Variants in EEF2 observed in about 807,000 individuals in gnomAD.
EEF2 encodes the protein eukaryotic translation elongation factor 2, also known as elongation factor 2.
Under a neutral mutation model 85.3 loss-of-function variants are expected in EEF2, and 21 were observed. That is an observed-to-expected ratio of 0.25 (90% CI 0.17 to 0.35). EEF2 has a LOEUF of 0.35. Among genes scored for constraint, EEF2 ranks in the 10% least tolerant of loss-of-function variants. The pLI, the probability that EEF2 is intolerant of heterozygous loss-of-function variation, is 1.00. For synonymous variants in EEF2, 723 were observed against 508.8 expected (o/e 1.42, Z -5.67); for missense variants, 825 against 1,225.3 (o/e 0.67, Z 4.88).
chr19:3,978,621 C>A (rs1446387826), intron 11 of EEF2, among the ~76,000 whole-genome samples: 1 of 145,180 alleles, frequency 6.9e-6, no homozygotes, highest in African/African-American at 2.6e-5. Context: ...CTGGCTAACA[C>A]GGTGAAACCC....
At chr19:3,979,556 A>G (rs2039719721) in intron 10 of EEF2, 120 bp from the exon 11 acceptor site, 2 of 995,674 alleles carry the variant, frequency 2.0e-6, no homozygotes, top group Non-Finnish European at 3.0e-6. Context: ...AGGTGCTGGG[A>G]AACTGGGACC....
intron 2 of EEF2, chr19:3,983,767 G>A (rs2039785140): frequency 6.0e-6 from 2 of 333,460 alleles, no homozygotes; most frequent in Non-Finnish European, 5.7e-6. Context: ...GCCAGAAACT[G>A]ACATGGAATG....
chr19:3,977,165 C>G lies in EEF2; in HGVS notation c.2383+50G>C, dbSNP rs1339374394. 3.8e-6 allele frequency: 6 copies of G among 1,595,630 alleles called. No individual in the cohort carries two copies. The highest frequency in any genetic ancestry group is 1.3e-5 in the African/African-American group (1 of 74,600). Reference sequence around the variant, plus strand: ...TGCTAAGCTTAACTGGGCTTCTGTCCCCCAAACCAGCCTGCCAGGCTCTGC... The same window carrying G: ...TGCTAAGCTTAACTGGGCTTCTGTCGCCCAAACCAGCCTGCCAGGCTCTGC... On this transcript the variant is annotated intron_variant, in intron 14 of 14. Coordinates refer to ENST00000309311, the MANE Select transcript of EEF2 (RefSeq NM_001961.4). The surrounding 1 kb of genome is among the most constrained non-coding windows in gnomAD (Gnocchi z 5.4).
In EEF2 at chr19:3,980,902, C is replaced by G; in HGVS notation, c.1089G>C (p.Thr363=). 2 of 1,565,764 alleles carry G rather than the reference C, an allele frequency of 1.3e-6. No individual in the cohort carries two copies. The highest frequency in any genetic ancestry group is 2.3e-5 in the South Asian group (2 of 85,800). The part of the protein sequence containing the change: ...MITIHLPSPV[T]AQKYRCELLY... ...GGAGCTCGCAGCGGTACTTCTGGGCCGTCACAGGGGAGGGCAGGTGGATGG... is the reference window on the plus strand; with the variant it reads ...GGAGCTCGCAGCGGTACTTCTGGGCGGTCACAGGGGAGGGCAGGTGGATGG... Residue 363 remains threonine (T), a synonymous_variant, in exon 8 of 15, where the codon ACG becomes ACC. Transcript: ENST00000309311.
At chr19:3,985,176 CCTCGGAAACGGAGAAAGGG>C in intron 1 of EEF2, 183 bp downstream of exon 1, 1 of 511,996 alleles carries the variant, frequency 2.0e-6, no homozygotes, top group Non-Finnish European at 3.2e-6. Context: ...GTTATGGCGC[CCTCGGAAACGGAGAAAGGG>C]CTCGGTGAAC....
At chr19:3,982,584 C>CCCCTCCA (rs746571336) in intron 4 of EEF2, 160 bp from the exon 5 acceptor site, 1 of 1,106,284 alleles carries the variant, frequency 9.0e-7, no homozygotes, top group Admixed American at 1.8e-5. Context: ...GGGGGGCCAG[C>CCCCTCCA]CCCTCCACCA....
At chr19:3,979,220 A>G (rs1472054763) in intron 11 of EEF2, 109 bp downstream of exon 11, 1 of 807,064 alleles carries the variant, frequency 1.2e-6, no homozygotes, top group Non-Finnish European at 2.0e-6. Flanking sequence ...GCTGAGACCA[A>G]GACCGAGATC....
intron 11 of EEF2, among the ~76,000 whole-genome samples, chr19:3,979,076 G>C (rs1378091358): frequency 1.3e-5 from 2 of 152,034 alleles, no homozygotes; most frequent in African/African-American, 2.4e-5. Context: ...AGGTTCTAGC[G>C]AGCCAAGATC....
At chr19:3,981,891 CAGGGCCG>C in intron 6 of EEF2, 49 bp downstream of exon 6, 2 of 1,548,496 alleles carry the variant, frequency 1.3e-6, no homozygotes, top group Non-Finnish European at 1.8e-6. Flanking sequence ...CCGGAGCCCA[CAGGGCCG>C]AGGGCCAATA....
At chr19:3,980,232 C>T (rs1197449322) in intron 9 of EEF2, among the ~76,000 whole-genome samples, 166 bp from the exon 10 acceptor site, 2 of 152,214 alleles carry the variant, frequency 1.3e-5, no homozygotes, top group African/African-American at 4.8e-5. Flanking sequence ...CAGGAAACAT[C>T]CTCTTCAGAA....
At position 3,977,137 on chromosome 19, in the gene EEF2, C is replaced by A. The variant is rs375802502; in HGVS notation, c.2383+78G>T. On this transcript the variant is annotated intron_variant, in intron 14 of 14. Coordinates refer to ENST00000309311, the MANE Select transcript of EEF2 (RefSeq NM_001961.4). The surrounding 1 kb of genome is among the most constrained non-coding windows in gnomAD (Gnocchi z 5.4). ...TCCCATCAGGACGCCTCCTTTAACA[C>A]CTTGCTAAGCTTAACTGGGCTTCTG... 466 of 1,565,486 alleles carry A rather than the reference C, an allele frequency of 3.0e-4. 13 individuals carry two copies. In the East Asian group the frequency reaches 5.7e-3, roughly 19 times the overall value.
At chr19:3,981,044 G>GC (rs2039739784) in intron 7 of EEF2, 65 bp from the exon 8 acceptor site, 1 of 1,518,880 alleles carries the variant, frequency 6.6e-7, no homozygotes, top group Non-Finnish European at 8.8e-7. Context: ...CCCCGTACAC[G>GC]CTTCCTCTCT....
At chr19:3,981,313 C>T (rs2039743560) in intron 7 of EEF2, 26 bp downstream of exon 7, 2 of 1,605,860 alleles carry the variant, frequency 1.2e-6, no homozygotes, top group African/African-American at 1.3e-5. Context: ...GTTCCCTCCA[C>T]CCCGAGGGCT....
intron 1 of EEF2, 59 bp downstream of exon 1, chr19:3,985,319 G>T: frequency 7.1e-7 from 1 of 1,403,928 alleles, no homozygotes; most frequent in East Asian, 2.8e-5. Context: ...GCTAGGCAGC[G>T]TAGGCCCCGC....
rs756229330 is a variant in EEF2, at chr19:3,985,369, G to C, written c.3+9C>G. Reference sequence around the variant, plus strand: ...CGCTCCGGGGCACCAGCGAGGCAGGGTTACTCACCATGGTGGCGGATGGCG... The same window carrying C: ...CGCTCCGGGGCACCAGCGAGGCAGGCTTACTCACCATGGTGGCGGATGGCG... On this transcript the variant is annotated intron_variant, in intron 1 of 14. Transcript: ENST00000309311. The C allele has an allele frequency of 6.0e-6, 9 of 1,504,478 alleles. No homozygotes were observed. Among genetic ancestry groups the C allele is most frequent in the Non-Finnish European group, 7.1e-6 (8 of 1,121,864 alleles). The allele number at this position is 1,504,478 out of a possible 1,614,324, so 93.2% of individuals were successfully genotyped here. A position where few individuals can be genotyped will look rare whatever the true frequency, so the allele number is the denominator to read the frequency against.
intron 2 of EEF2, chr19:3,983,908 C>A: frequency 1.8e-6 from 1 of 570,000 alleles, no homozygotes; most frequent in South Asian, 2.1e-5. Flanking sequence ...GAGGGAGAAC[C>A]ACGGAGTTAA....
chr19:3,982,452 C>G (rs771005227), intron 4 of EEF2, 28 bp from the exon 5 acceptor site: 7 of 1,613,582 alleles, frequency 4.3e-6, no homozygotes, highest in Non-Finnish European at 5.9e-6. Flanking sequence ...GAGAAGCAGC[C>G]GTGAGGGCCC....
rs1004771902 is a variant in EEF2, at chr19:3,978,632, C to G, written c.1714-460G>C. Reference sequence around the variant, plus strand: ...CATCCTGGCTAACACGGTGAAACCCCGTCTCTACTAAAAATGCAAAAAATT... The same window carrying G: ...CATCCTGGCTAACACGGTGAAACCCGGTCTCTACTAAAAATGCAAAAAATT... On this transcript the variant is annotated intron_variant, in intron 11 of 14. Transcript: ENST00000309311. Among the ~76,000 whole-genome samples, 6 of 146,914 alleles carry G rather than the reference C, an allele frequency of 4.1e-5. No homozygotes were observed. The East Asian group carries it at 8.3e-4, about 20-fold the overall frequency.
Position 3,976,656 on chromosome 19 carries a change from G to A in EEF2, c.2475C>T (p.Phe825=), listed in dbSNP as rs781600560. ...CCTGGCTGGGGCGGCTGCTGTTGTC[G>A]AAGGGGTCTCCGGGCAGGATCTGCC... is the stretch of plus-strand genomic sequence containing the variant. The part of the protein sequence containing the change: ...DHWQILPGDP[F]DNSSRPSQVV... The change falls in exon 15 of 15, where the codon TTC becomes TTT. Residue 825 remains phenylalanine (F), a synonymous_variant. Coordinates refer to ENST00000309311, the MANE Select transcript of EEF2 (RefSeq NM_001961.4). 1.4e-5 allele frequency: 23 copies of A among 1,609,506 alleles called. No homozygotes were observed. The highest frequency in any genetic ancestry group is 2.2e-5 in the East Asian group (1 of 44,772).
Sources: gnomAD v4.1 joint callset for allele counts (sites outside exome capture counted in the v4.1 genomes callset) on GRCh38, gnomAD v4.1.1 for gene constraint, Gnocchi (gnomAD v3.1) non-coding constraint, MANE v1.5 for transcripts, NCBI Gene and HGNC (gene_info 2026-07-23, HGNC 2026-07-21) for gene names.